The following GATAD2B variants were observed in gnomAD, a reference collection of about 807,000 sequenced individuals.
GATAD2B encodes the protein GATA zinc finger domain containing 2B, also known as transcriptional repressor p66-beta.
A neutral mutation model predicts 64.3 loss-of-function variants in GATAD2B; 8 were observed. That is an observed-to-expected ratio of 0.12 (90% CI 0.07 to 0.22). The LOEUF is 0.22. GATAD2B is among the 10% of genes least tolerant of loss of function. The probability of loss-of-function intolerance (pLI) is 1.00; values close to 1 mark genes in which losing one functional copy is unlikely to be tolerated. For missense variants in GATAD2B, 453 were observed against 752.0 expected (o/e 0.60, Z 4.65); for synonymous variants, 281 against 271.3 (o/e 1.04, Z -0.35).
At position 153,816,472 on chromosome 1, in the gene GATAD2B, G is replaced by A; in HGVS notation, c.1017C>T (p.Pro339=). Residue 339 remains proline (P), a synonymous_variant, in exon 7 of 11, where the codon CCC becomes CCT. Coordinates refer to ENST00000368655, the MANE Select transcript of GATAD2B (RefSeq NM_020699.4). The surrounding 1 kb of genome is among the most constrained non-coding windows in gnomAD (Gnocchi z 4.9). ...VNRVSSPLPS[P]SAMTDAANSQ... is the part of the protein sequence containing the mutation. ...AGTTGGCAGCATCAGTCATGGCGCT[G>A]GGGCTAGGAAGTGGCGAGGACACTC... The A allele has an allele frequency of 1.2e-6, 2 of 1,614,122 alleles. No homozygotes were observed. The highest frequency in any genetic ancestry group is 1.1e-5 in the South Asian group (1 of 91,088).
intron 1 of GATAD2B, among the ~76,000 whole-genome samples, chr1:153,861,182 GAGA>G (rs1284757505): frequency 6.6e-6 from 1 of 152,106 alleles, no homozygotes; most frequent in African/African-American, 2.4e-5. Flanking sequence ...AACTTTAACT[GAGA>G]AGGACGCCTG....
chr1:153,919,795 G>C (rs1030037559), intron 1 of GATAD2B, among the ~76,000 whole-genome samples: 3 of 152,204 alleles, frequency 2.0e-5, no homozygotes, highest in Non-Finnish European at 2.9e-5. Flanking sequence ...ATCTGGGTGT[G>C]TGTCTTTACT....
At chr1:153,877,386 A>G (rs1676871355) in intron 1 of GATAD2B, among the ~76,000 whole-genome samples, 1 of 151,900 alleles carries the variant, frequency 6.6e-6, no homozygotes, top group African/African-American at 2.4e-5. Flanking sequence ...GCCAAAGGGC[A>G]GATTTCACAT....
At chr1:153,832,305 G>T (rs573704136) in intron 1 of GATAD2B, among the ~76,000 whole-genome samples, 9 of 152,272 alleles carry the variant, frequency 5.9e-5, no homozygotes, top group African/African-American at 2.2e-4. Context: ...CACAAATAAT[G>T]GCAAAGTGCA....
intron 1 of GATAD2B, chr1:153,853,392 A>C: frequency 3.0e-6 from 2 of 677,474 alleles, no homozygotes; most frequent in Non-Finnish European, 5.4e-6. Flanking sequence ...TCAGTTGTGG[A>C]TCAACTGCAA....
chr1:153,862,667 A>G (rs1417867619), intron 1 of GATAD2B, among the ~76,000 whole-genome samples: 1 of 151,886 alleles, frequency 6.6e-6, no homozygotes, highest in Non-Finnish European at 1.5e-5. Context: ...ACAGAAATTG[A>G]GAGTATTTAG....
At chr1:153,813,906 A>T (rs757744220) in intron 7 of GATAD2B, among the ~76,000 whole-genome samples, 12 of 152,240 alleles carry the variant, frequency 7.9e-5, no homozygotes, top group Non-Finnish European at 1.0e-4. Flanking sequence ...TGAACCTGGG[A>T]AGTAGAGGTT....
chr1:153,904,820 C>A (rs555784679), intron 1 of GATAD2B, among the ~76,000 whole-genome samples: 129 of 152,268 alleles, frequency 8.5e-4, no homozygotes, highest in African/African-American at 2.8e-3. Flanking sequence ...AATTCTCCTG[C>A]CTCAGCCTCC....
intron 1 of GATAD2B, among the ~76,000 whole-genome samples, chr1:153,843,817 A>C (rs76989313): frequency 2.7e-5 from 4 of 148,846 alleles, no homozygotes; most frequent in African/African-American, 9.8e-5. Flanking sequence ...CCACCACCAA[A>C]AAAAAAAAAA....
chr1:153,900,714 T>C (rs1677740804), intron 1 of GATAD2B, among the ~76,000 whole-genome samples: 1 of 152,070 alleles, frequency 6.6e-6, no homozygotes, highest in African/African-American at 2.4e-5. Flanking sequence ...AGATAGTAAA[T>C]ATTTTAGGTT....
intron 2 of GATAD2B, among the ~76,000 whole-genome samples, chr1:153,821,139 G>A (rs968860513): frequency 9.2e-5 from 14 of 151,778 alleles, no homozygotes; most frequent in Non-Finnish European, 2.9e-5. Flanking sequence ...ACACCACTGT[G>A]CCTGGCTAAT....
At chr1:153,876,227 C>CAAAAAAGAAAAAAAAAAAA (rs1676826845) in intron 1 of GATAD2B, among the ~76,000 whole-genome samples, 1 of 48,406 alleles carries the variant, frequency 2.1e-5, no homozygotes, top group African/African-American at 8.1e-5. Context: ...GACTTCGTCT[C>CAAAAAAGAAAAAAAAAAAA]AAAAAAAAAA....
chr1:153,813,110 T>C, intron 8 of GATAD2B, 140 bp downstream of exon 8: 2 of 664,704 alleles, frequency 3.0e-6, no homozygotes, highest in South Asian at 1.7e-5. Context: ...CAAATGGAAA[T>C]AGGACACAAT....
intron 2 of GATAD2B, among the ~76,000 whole-genome samples, chr1:153,827,784 G>T (rs1242281153): frequency 1.3e-5 from 2 of 152,076 alleles, no homozygotes; most frequent in African/African-American, 4.8e-5. Flanking sequence ...ATCTAGAAAT[G>T]ACCATTTTTT....
chr1:153,827,681 AT>A (rs1481184987), intron 2 of GATAD2B: 1 of 255,854 alleles, frequency 3.9e-6, no homozygotes, highest in Non-Finnish European at 7.3e-6. Flanking sequence ...CAAAAAGACT[AT>A]TTTTCTCCTC....
At position 153,810,323 on chromosome 1, in the gene GATAD2B, G is replaced by A; in HGVS notation, c.1649-13C>T. On this transcript the variant is annotated splice_polypyrimidine_tract_variant and intron_variant, in intron 10 of 10. Transcript: ENST00000368655. ...GCAATGTTGACACCTGGACCCAGGAGACAAAAGTGGAGGGCAGGTATTAAA... is the reference window on the plus strand; with the variant it reads ...GCAATGTTGACACCTGGACCCAGGAAACAAAAGTGGAGGGCAGGTATTAAA... 6.2e-7 allele frequency: 1 copy of A among 1,611,130 alleles called. No individual in the cohort carries two copies. The highest frequency in any genetic ancestry group is 8.5e-7 in the Non-Finnish European group (1 of 1,178,854).
At chr1:153,836,440 G>A (rs958988018) in intron 1 of GATAD2B, among the ~76,000 whole-genome samples, 1 of 151,496 alleles carries the variant, frequency 6.6e-6, no homozygotes, top group Non-Finnish European at 1.5e-5. Context: ...TAGTAGAGAC[G>A]AGGTTTCTCC....
chr1:153,893,557 C>T (rs1366629805), intron 1 of GATAD2B, among the ~76,000 whole-genome samples: 3 of 151,884 alleles, frequency 2.0e-5, no homozygotes, highest in Non-Finnish European at 4.4e-5. Flanking sequence ...TTGCAGTGAG[C>T]CGAGATCACA....
chr1:153,861,506 G>A (rs1357825161), intron 1 of GATAD2B, among the ~76,000 whole-genome samples: 3 of 151,280 alleles, frequency 2.0e-5, no homozygotes, highest in Admixed American at 6.6e-5. Context: ...TAAAAAATAC[G>A]GCCGGACACA....
Sources: allele counts gnomAD v4.1 joint callset (sites outside exome capture counted in the v4.1 genomes callset), GRCh38; gene constraint gnomAD v4.1.1; non-coding constraint Gnocchi (gnomAD v3.1); transcripts MANE v1.5; gene names NCBI Gene and HGNC (gene_info 2026-07-23, HGNC 2026-07-21).